The following ACR variants were observed in gnomAD, a reference collection of about 807,000 sequenced individuals.
ACR encodes acrosin.
A neutral mutation model predicts 26.0 loss-of-function variants in ACR; 17 were observed. The ratio of observed to expected loss-of-function variants is 0.65; its 90% confidence interval spans 0.45 to 0.98. The LOEUF is 0.98. ACR is among the 50% of genes least tolerant of loss of function. The probability of loss-of-function intolerance (pLI) is 0.00; values close to 1 mark genes in which losing one functional copy is unlikely to be tolerated. For synonymous variants in ACR, 199 were observed against 207.7 expected (o/e 0.96, Z 0.36); for missense variants, 435 against 519.3 (o/e 0.84, Z 1.58).
chr22:50,741,097 C>T (rs893502474), intron 3 of ACR, among the ~76,000 whole-genome samples: 4 of 152,186 alleles, frequency 2.6e-5, no homozygotes, highest in Non-Finnish European at 5.9e-5. Flanking sequence ...AATGAGGCTT[C>T]TTAATTCAAG....
chr22:50,740,087 C>T, intron 3 of ACR, 110 bp downstream of exon 3: 2 of 1,345,440 alleles, frequency 1.5e-6, no homozygotes, highest in Admixed American at 1.8e-5. Flanking sequence ...TCATCCTCCT[C>T]ACGGCGCTAC....
chr22:50,740,276 A>G (rs2083419690), intron 3 of ACR: 8 of 571,748 alleles, frequency 1.4e-5, no homozygotes, highest in Non-Finnish European at 2.5e-5. Context: ...TGGATCCTGG[A>G]AACAAGCAGC....
intron 3 of ACR, among the ~76,000 whole-genome samples, chr22:50,742,742 C>T (rs2083430761): frequency 6.6e-6 from 1 of 152,290 alleles, no homozygotes; most frequent in African/African-American, 2.4e-5. Flanking sequence ...GCTTACCAGA[C>T]GCCTGCTGTG....
In ACR at chr22:50,744,706, G is replaced by A. The variant is rs1025146913; in HGVS notation, c.765G>A (p.Val255=). 1.2e-6 allele frequency: 2 copies of A among 1,613,442 alleles called. No homozygotes were observed. Among genetic ancestry groups the A allele is most frequent in the African/African-American group, 2.7e-5 (2 of 75,000 alleles). Residue 255 remains valine (V), a synonymous_variant, in exon 5 of 5, where the codon GTG becomes GTA. Transcript: ENST00000216139. ...MCKDSKESAY[V]VVGITSWGVG... ...AAGACAGCAAGGAAAGCGCCTATGT[G>A]GTCGTGGGAATCACAAGCTGGGGGG...
At position 50,744,705 on chromosome 22, in the gene ACR, T is replaced by A. The variant is rs368492134; in HGVS notation, c.764T>A (p.Val255Glu). The A allele has an allele frequency of 6.2e-7, 1 of 1,613,360 alleles. No individual in the cohort carries two copies. Among genetic ancestry groups the A allele is most frequent in the Non-Finnish European group, 8.5e-7 (1 of 1,179,818 alleles). The change falls in exon 5 of 5, where the codon GTG (valine) becomes GAG (glutamate). Residue 255 changes from valine to glutamate, a missense_variant. Around this residue, in one of 3 missense-constraint regions of ACR, gnomAD observed 314 missense variants for 372.0 expected, o/e 0.84. Coordinates refer to ENST00000216139, the MANE Select transcript of ACR (RefSeq NM_001097.3). ...AAAGACAGCAAGGAAAGCGCCTATG[T>A]GGTCGTGGGAATCACAAGCTGGGGG... Reference protein sequence around the residue: ...MCKDSKESAYVVVGITSWGVG... With the variant: ...MCKDSKESAYEVVGITSWGVG...
Position 50,744,563 on chromosome 22 carries a change from G to A in ACR, c.712-90G>A, listed in dbSNP as rs1603447690. 97 of 1,473,414 alleles carry A rather than the reference G, an allele frequency of 6.6e-5. 2 individuals carry two copies. In the South Asian group the frequency reaches 1.2e-3, roughly 18 times the overall value. 91.3% of individuals were successfully genotyped at this position (1,473,414 alleles called of 1,614,324 possible). A position where few individuals can be genotyped will look rare whatever the true frequency, so the allele number is the denominator to read the frequency against. ...TACAGCAGCAGGAGACCATGTCACT[G>A]TGGAAATTGTCCTCCCAGAGCCTTC... On this transcript the variant is annotated intron_variant, in intron 4 of 4. Transcript: ENST00000216139.
chr22:50,739,220 G>A lies in ACR; in HGVS notation c.78-51G>A, dbSNP rs2083412499. 6.7e-7 allele frequency: 1 copy of A among 1,490,900 alleles called. No homozygotes were observed. The highest frequency in any genetic ancestry group is 9.1e-7 in the Non-Finnish European group (1 of 1,095,054). The allele number at this position is 1,490,900 out of a possible 1,614,324, so 92.4% of individuals were successfully genotyped here. On this transcript the variant is annotated intron_variant, in intron 1 of 4. Transcript: ENST00000216139. This position sits in a 1 kb window ranked among gnomAD's most constrained non-coding sequence, Gnocchi z 5.5. The stretch of plus-strand genomic sequence containing the variant: ...CCTCCCCTCAGTTGTGGAGTTACAA[G>A]GACAGGCTGTGCTCATGCCAGGTTT...
intron 3 of ACR, among the ~76,000 whole-genome samples, 174 bp from the exon 4 acceptor site, chr22:50,743,887 C>G (rs1319678857): frequency 6.6e-6 from 1 of 152,160 alleles, no homozygotes; most frequent in Non-Finnish European, 1.5e-5. Context: ...TCCCCACCTC[C>G]TCCCACCACC....
rs1192837063 is a variant in ACR, at chr22:50,739,357, C to T, written c.164C>T (p.Pro55Leu). 6.2e-7 allele frequency: 1 copy of T among 1,613,246 alleles called. No individual in the cohort carries two copies. The highest frequency in any genetic ancestry group is 1.1e-5 in the South Asian group (1 of 90,882). Residue 55 changes from proline to leucine, a missense_variant, in exon 2 of 5, where the codon CCC (proline) becomes CTC (leucine). Around this residue, in one of 3 missense-constraint regions of ACR, gnomAD observed 314 missense variants for 372.0 expected, o/e 0.84. Transcript: ENST00000216139. This position sits in a 1 kb window ranked among gnomAD's most constrained non-coding sequence, Gnocchi z 5.5. ...GGKAAQHGAW[P>L]WMVSLQIFTY... The stretch of plus-strand genomic sequence containing the variant: ...AAGGCTGCACAGCATGGGGCCTGGC[C>T]CTGGATGGTCAGCCTCCAGATCTTC...
chr22:50,739,790 G>GA lies in ACR; in HGVS notation c.382dup (p.Ile128AsnfsTer5). ...CGCCTCTGCAAGAGAGATATGTGGA[G>GA]AAAATCATCATTCATGAAAAATACA... On this transcript the variant is annotated frameshift_variant, in exon 3 of 5. Coordinates refer to ENST00000216139, the MANE Select transcript of ACR (RefSeq NM_001097.3). LOFTEE classifies it high-confidence loss of function. This position sits in a 1 kb window ranked among gnomAD's most constrained non-coding sequence, Gnocchi z 5.5. 3.1e-6 allele frequency: 5 copies of GA among 1,605,868 alleles called. No homozygotes were observed. Among genetic ancestry groups the GA allele is most frequent in the Non-Finnish European group, 4.2e-6 (5 of 1,176,566 alleles).
rs1305659325 is a variant in ACR at position 50,739,775 on chromosome 22, A to G, written c.363A>G (p.Gln121=). Residue 121 remains glutamine (Q), a synonymous_variant, in exon 3 of 5, where the codon CAA becomes CAG. Coordinates refer to ENST00000216139, the MANE Select transcript of ACR (RefSeq NM_001097.3). This position sits in a 1 kb window ranked among gnomAD's most constrained non-coding sequence, Gnocchi z 5.5. ...GNNKPVKAPL[Q]ERYVEKIIIH... is the part of the protein sequence containing the mutation. ...ATAAACCAGTAAAGGCGCCTCTGCA[A>G]GAGAGATATGTGGAGAAAATCATCA... 3 of 1,597,032 alleles carry G rather than the reference A, an allele frequency of 1.9e-6. No homozygotes were observed. Among genetic ancestry groups the G allele is most frequent in the Non-Finnish European group, 2.6e-6 (3 of 1,173,486 alleles).
Position 50,739,228 on chromosome 22 carries a change from T to C in ACR, c.78-43T>C. On this transcript the variant is annotated intron_variant, in intron 1 of 4. Transcript: ENST00000216139. This position sits in a 1 kb window ranked among gnomAD's most constrained non-coding sequence, Gnocchi z 5.5. ...CAGTTGTGGAGTTACAAGGACAGGC[T>C]GTGCTCATGCCAGGTTTGAACTGTG... The C allele has an allele frequency of 6.6e-7, 1 of 1,513,300 alleles. No individual in the cohort carries two copies. Among genetic ancestry groups the C allele is most frequent in the Non-Finnish European group, 9.0e-7 (1 of 1,114,428 alleles). The allele number at this position is 1,513,300 out of a possible 1,614,324, so 93.7% of individuals were successfully genotyped here. A position where few individuals can be genotyped will look rare whatever the true frequency, so the allele number is the denominator to read the frequency against.
In ACR at chr22:50,739,122, A is replaced by G. The variant is rs933621536; in HGVS notation, c.78-149A>G. On this transcript the variant is annotated intron_variant, in intron 1 of 4. Transcript: ENST00000216139. This position sits in a 1 kb window ranked among gnomAD's most constrained non-coding sequence, Gnocchi z 5.5. ...CATTTCCTAGAGCCTGCGGCTTCCT[A>G]CATAGCGCAGGCTGCCCCTGCTTTC... The G allele has an allele frequency of 1.0e-5, 7 of 675,578 alleles. No individual in the cohort carries two copies. Among genetic ancestry groups the G allele is most frequent in the Non-Finnish European group, 1.8e-5 (7 of 393,206 alleles). The allele number at this position is 675,578 out of a possible 1,614,324, so 41.8% of individuals were successfully genotyped here. A position where few individuals can be genotyped will look rare whatever the true frequency, so the allele number is the denominator to read the frequency against.
At chr22:50,743,699 T>G (rs902980933) in intron 3 of ACR, among the ~76,000 whole-genome samples, 2 of 152,104 alleles carry the variant, frequency 1.3e-5, no homozygotes, top group Admixed American at 6.5e-5. Context: ...AAAATGGGAA[T>G]AACGGGACCA....
In ACR at chr22:50,744,858, C is replaced by G; in HGVS notation, c.917C>G (p.Thr306Ser). 6 of 1,601,896 alleles carry G rather than the reference C, an allele frequency of 3.7e-6. No individual in the cohort carries two copies. Among genetic ancestry groups the G allele is most frequent in the Non-Finnish European group, 5.1e-6 (6 of 1,175,466 alleles). ...MIQSATPPPP[T>S]TRPPPIRPPF... ...CAATCGGCCACCCCTCCACCTCCCA[C>G]CACTCGACCGCCCCCGATTCGACCC... Residue 306 changes from threonine (T) to serine (S), a missense_variant, in exon 5 of 5, where the codon ACC becomes AGC. Thr to Ser is a moderately conservative substitution (Grantham distance 58, BLOSUM62 1). Transcript: ENST00000216139.
At chr22:50,740,933 A>G in intron 3 of ACR, 3 of 518,224 alleles carry the variant, frequency 5.8e-6, no homozygotes, top group Middle Eastern at 5.0e-4. Flanking sequence ...CATTTATCCC[A>G]GAAGCAACAG....
At chr22:50,742,332 C>T (rs984473450) in intron 3 of ACR, among the ~76,000 whole-genome samples, 7 of 152,082 alleles carry the variant, frequency 4.6e-5, no homozygotes, top group East Asian at 1.9e-4. Flanking sequence ...ATCACAAGGT[C>T]GTGAGATCGA....
intron 3 of ACR, among the ~76,000 whole-genome samples, chr22:50,741,311 C>T (rs569329561): frequency 8.5e-5 from 13 of 152,224 alleles, no homozygotes; most frequent in Admixed American, 3.9e-4. Flanking sequence ...TCACTTGACA[C>T]GTGGCCATCC....
In ACR at chr22:50,739,029, T is replaced by C. The variant is rs1344268504; in HGVS notation, c.78-242T>C. 6.6e-6 allele frequency among the ~76,000 whole-genome samples: 1 copy of C among 152,230 alleles called. No homozygotes were observed. Among genetic ancestry groups the C allele is most frequent in the Non-Finnish European group, 1.5e-5 (1 of 68,036 alleles). Reference sequence around the variant, plus strand: ...AGGGCCCATGCAGCCTGTCCTGGCTTCCTATGGCCTCCTCTTTCTCCATCT... The same window carrying C: ...AGGGCCCATGCAGCCTGTCCTGGCTCCCTATGGCCTCCTCTTTCTCCATCT... On this transcript the variant is annotated intron_variant, in intron 1 of 4. Coordinates refer to ENST00000216139, the MANE Select transcript of ACR (RefSeq NM_001097.3). The surrounding 1 kb of genome is among the most constrained non-coding windows in gnomAD (Gnocchi z 5.5).
Sources: allele counts gnomAD v4.1 joint callset (sites outside exome capture counted in the v4.1 genomes callset), GRCh38; gene constraint gnomAD v4.1.1; regional missense constraint gnomAD v4.1.1; non-coding constraint Gnocchi (gnomAD v3.1); transcripts MANE v1.5; gene names NCBI Gene and HGNC (gene_info 2026-07-23, HGNC 2026-07-21).